The following IL4I1 variants were observed in gnomAD, a reference collection of about 807,000 sequenced individuals.
IL4I1 encodes L-amino-acid oxidase.
IL4I1 carries 24 observed loss-of-function variants against 29.7 expected under a neutral mutation model. The observed-to-expected ratio is 0.81, with a 90% CI of 0.59 to 1.14. The LOEUF (loss-of-function observed/expected upper bound fraction) is 1.14. Among genes scored for constraint, IL4I1 ranks in the 50% most tolerant of loss-of-function variants. The probability of loss-of-function intolerance (pLI) is 0.00; values close to 1 mark genes in which losing one functional copy is unlikely to be tolerated. For missense variants in IL4I1, 686 were observed against 785.6 expected (o/e 0.87, Z 1.52); for synonymous variants, 371 against 352.5 (o/e 1.05, Z -0.59).
upstream of IL4I1, among the ~76,000 whole-genome samples, chr19:49,900,062 C>T (rs2075258347): frequency 6.6e-6 from 1 of 152,176 alleles, no homozygotes; most frequent in Non-Finnish European, 1.5e-5. Flanking sequence ...GTCTCAAACT[C>T]CTGGGCTCAG....
At position 49,922,957 on chromosome 19, in the gene IL4I1, CTGATGAGG is replaced by C. The variant is rs2075799506; in HGVS notation, c.-228+4729_-228+4736del. 2.6e-5 allele frequency among the ~76,000 whole-genome samples: 4 copies of C among 152,316 alleles called. No homozygotes were observed. The South Asian group carries it at 8.3e-4, about 32-fold the overall frequency. Reference sequence around the variant, plus strand: ...TAGTTCTATGATTGTGCCCATTTTACTGATGAGGTGACCACAGGTCGGGGGGTACAGTA... The same window carrying C: ...TAGTTCTATGATTGTGCCCATTTTACTGACCACAGGTCGGGGGGTACAGTA... On this transcript the variant is annotated intron_variant, in intron 2 of 9. Transcript: ENST00000341114.
At position 49,895,552 on chromosome 19, in the gene IL4I1, C is replaced by A. The variant is rs1174193824; in HGVS notation, c.252+263G>T. 4.6e-5 allele frequency among the ~76,000 whole-genome samples: 7 copies of A among 152,218 alleles called. No individual in the cohort carries two copies. The South Asian group carries it at 1.0e-3, about 22-fold the overall frequency. ...TTTCCCTCTCCACCAACAGGCGCCC[C>A]ACCCCAGGACAGAGGAGCTTTGAGC... On this transcript the variant is annotated intron_variant, in intron 3 of 7. Coordinates refer to ENST00000391826, the MANE Select transcript of IL4I1 (RefSeq NM_152899.2).
intron 2 of IL4I1, among the ~76,000 whole-genome samples, chr19:49,920,836 C>T (rs763016275): frequency 1.1e-4 from 17 of 152,114 alleles, no homozygotes; most frequent in African/African-American, 3.9e-4. Context: ...GCGTGTGTGG[C>T]GGGGGAGGAA....
At chr19:49,903,979 C>G (rs796198959) in intron 3 of IL4I1, among the ~76,000 whole-genome samples, 62 of 151,748 alleles carry the variant, frequency 4.1e-4, no homozygotes, top group African/African-American at 1.4e-3. Context: ...TCTGAAACTA[C>G]AGGCAGGAGC....
At chr19:49,908,199 G>C in intron 2 of IL4I1, 1 of 1,606,496 alleles carries the variant, frequency 6.2e-7, no homozygotes, top group Non-Finnish European at 8.5e-7. Context: ...TTCCCCTCAT[G>C]AACTCCCTAG....
At chr19:49,891,253 G>A in intron 6 of IL4I1, 146 bp from the exon 7 acceptor site, 2 of 1,418,106 alleles carry the variant, frequency 1.4e-6, no homozygotes, top group African/African-American at 1.4e-5. Context: ...GGGAAACGGA[G>A]GTCCAGACAG....
At position 49,895,873 on chromosome 19, in the gene IL4I1, AC is replaced by A; in HGVS notation, c.193del (p.Val65LeufsTer71). The A allele has an allele frequency of 6.2e-7, 1 of 1,614,156 alleles. No homozygotes were observed. The highest frequency in any genetic ancestry group is 8.5e-7 in the Non-Finnish European group (1 of 1,180,026). On this transcript the variant is annotated frameshift_variant, in exon 3 of 8. Coordinates refer to ENST00000391826, the MANE Select transcript of IL4I1 (RefSeq NM_152899.2). LOFTEE classifies it high-confidence loss of function. Reference sequence around the variant, plus strand: ...CACCAGCCCGGCCACACCAGCGCCAACCACAATCACCCTCTGGGGCTTCAGG... The same window carrying A: ...CACCAGCCCGGCCACACCAGCGCCAACACAATCACCCTCTGGGGCTTCAGG... ...RTLKPQRVIV[V>X]GAGVAGLVAA...
chr19:49,926,562 T>C (rs1333799701), intron 2 of IL4I1, among the ~76,000 whole-genome samples: 1 of 151,896 alleles, frequency 6.6e-6, no homozygotes, highest in East Asian at 1.9e-4. Flanking sequence ...CCAAACCCAG[T>C]CCCCATGTAC....
Position 49,890,043 on chromosome 19 carries a change from C to T in IL4I1, c.1331G>A (p.Trp444Ter), listed in dbSNP as rs2075108888. ...LWDGTGVVKR[W>*]AEDQHSQGGF... ...ACCCTGGCTGTGCTGGTCCTCCGCC[C>T]AACGCTTGACGACGCCGGTGCCGTC... Residue 444 changes from tryptophan (W) to a stop codon, truncating the protein, a stop_gained, in exon 8 of 8, where the codon TGG (tryptophan) becomes TAG (stop). Transcript: ENST00000391826. LOFTEE classifies it low-confidence loss of function (END_TRUNC). 5 of 1,551,030 alleles carry T rather than the reference C, an allele frequency of 3.2e-6. No homozygotes were observed. Among genetic ancestry groups the T allele is most frequent in the Non-Finnish European group, 4.4e-6 (5 of 1,147,494 alleles).
intron 2 of IL4I1, among the ~76,000 whole-genome samples, chr19:49,910,532 A>C (rs2075437539): frequency 6.6e-6 from 1 of 152,126 alleles, no homozygotes; most frequent in African/African-American, 2.4e-5. Context: ...CTCAAGGATA[A>C]ACTGAGACCT....
rs2075766510 is a variant in IL4I1 at position 49,921,591 on chromosome 19, A to G, written c.-228+6103T>C. Among the ~76,000 whole-genome samples the G allele has an allele frequency of 6.6e-6, 1 of 152,184 alleles. No homozygotes were observed. Among genetic ancestry groups the G allele is most frequent in the African/African-American group, 2.4e-5 (1 of 41,446 alleles). ...TGCTCTGTGGTAGGTCAGGAAGAAG[A>G]GGGCAAAGGAGTCTGCATCAAACTG... On this transcript the variant is annotated intron_variant, in intron 2 of 9. Coordinates refer to the IL4I1 transcript ENST00000341114. This position sits in a 1 kb window ranked among gnomAD's most constrained non-coding sequence, Gnocchi z 5.4.
At chr19:49,914,383 C>A (rs960080028) in intron 2 of IL4I1, among the ~76,000 whole-genome samples, 4 of 152,142 alleles carry the variant, frequency 2.6e-5, no homozygotes, top group African/African-American at 4.8e-5. Flanking sequence ...GTGCTCAGGG[C>A]TGGGTGGCTG....
At chr19:49,904,058 A>C (rs556194977) in intron 3 of IL4I1, 2 of 151,780 alleles carry the variant, frequency 1.3e-5, no homozygotes, top group East Asian at 3.9e-4. Context: ...GGCTGGTCTC[A>C]AACTCCAGAC....
intron 2 of IL4I1, among the ~76,000 whole-genome samples, chr19:49,912,224 G>T (rs2075485246): frequency 6.7e-6 from 1 of 148,786 alleles, no homozygotes; most frequent in Admixed American, 6.7e-5. Flanking sequence ...GGCTGGAGTG[G>T]AATGGCATGA....
intron 3 of IL4I1, 25 bp from the exon 4 acceptor site, chr19:49,895,205 G>A (rs1420384918): frequency 6.3e-7 from 1 of 1,589,066 alleles, no homozygotes; most frequent in Non-Finnish European, 8.6e-7. Flanking sequence ...GGGGCGAGGA[G>A]GGCCCTTCAG....
chr19:49,899,912 C>A (rs2075256693), upstream of IL4I1, among the ~76,000 whole-genome samples: 1 of 152,138 alleles, frequency 6.6e-6, no homozygotes, highest in African/African-American at 2.4e-5. Flanking sequence ...GCTGCCCAGG[C>A]TGGTCTTGAA....
At chr19:49,923,776 C>T (rs1047451677) in intron 2 of IL4I1, among the ~76,000 whole-genome samples, 1 of 152,224 alleles carries the variant, frequency 6.6e-6, no homozygotes, top group Non-Finnish European at 1.5e-5. Flanking sequence ...AAAGAGGATG[C>T]CACTTGCTGA....
At chr19:49,894,529 T>C in intron 4 of IL4I1, 60 bp from the exon 5 acceptor site, 1 of 994,838 alleles carries the variant, frequency 1.0e-6, no homozygotes, top group Non-Finnish European at 1.3e-6. Context: ...TGGTCCCTAG[T>C]GGGACTTGGA....
chr19:49,908,237 G>T (rs372281472), intron 2 of IL4I1: 3 of 1,612,536 alleles, frequency 1.9e-6, no homozygotes, highest in Non-Finnish European at 2.5e-6. Context: ...GGCTGCTGTC[G>T]CTCAGTCAAA....
Sources: gnomAD v4.1 joint callset for allele counts (sites outside exome capture counted in the v4.1 genomes callset) on GRCh38, gnomAD v4.1.1 for gene constraint, Gnocchi (gnomAD v3.1) non-coding constraint, MANE v1.5 for transcripts, NCBI Gene and HGNC (gene_info 2026-07-23, HGNC 2026-07-21) for gene names.